Variants in DNAH11 observed in about 807,000 individuals in gnomAD.
DNAH11 encodes dynein axonemal heavy chain 11, also known as axonemal beta dynein heavy chain 11.
Under a neutral mutation model 526.0 loss-of-function variants are expected in DNAH11, and 442 were observed. The observed-to-expected ratio is 0.84, with a 90% CI of 0.78 to 0.91. DNAH11 has a LOEUF of 0.91. DNAH11 is among the 40% of genes least tolerant of loss of function. The probability of loss-of-function intolerance (pLI) is 0.00; values close to 1 mark genes in which losing one functional copy is unlikely to be tolerated. For missense variants in DNAH11, 6,989 were observed against 5,448.7 expected (o/e 1.28, Z -8.90); for synonymous variants, 2,461 against 1,935.9 (o/e 1.27, Z -7.12).
chr7:21,741,304 A>G (rs1224969905), intron 48 of DNAH11, among the ~76,000 whole-genome samples: 1 of 152,162 alleles, frequency 6.6e-6, no homozygotes, highest in African/African-American at 2.4e-5. Flanking sequence ...ATTGCTGAAT[A>G]GTGGTCACTG....
chr7:21,557,925 G>C (rs1180810546), intron 2 of DNAH11, among the ~76,000 whole-genome samples: 2 of 152,160 alleles, frequency 1.3e-5, no homozygotes, highest in African/African-American at 4.8e-5. Context: ...GACATGTAAT[G>C]GGTGCTAAGT....
At chr7:21,689,276 A>G (rs937415126) in intron 34 of DNAH11, among the ~76,000 whole-genome samples, 29 of 152,156 alleles carry the variant, frequency 1.9e-4, no homozygotes, top group African/African-American at 6.3e-4. Flanking sequence ...ATCCTTTCTT[A>G]TGGAGATTTA....
intron 4 of DNAH11, among the ~76,000 whole-genome samples, chr7:21,560,529 G>T (rs1341071587): frequency 6.6e-6 from 1 of 152,208 alleles, no homozygotes; most frequent in Non-Finnish European, 1.5e-5. Context: ...AACCACTGGT[G>T]TAAGTCTAAG....
chr7:21,824,489 T>C (rs541070855), intron 65 of DNAH11, among the ~76,000 whole-genome samples: 1 of 152,266 alleles, frequency 6.6e-6, no homozygotes, highest in Admixed American at 6.5e-5. Context: ...TTTAGTCAAG[T>C]TTCTAGAATG....
chr7:21,658,900 T>C lies in DNAH11; in HGVS notation c.5197T>C (p.Trp1733Arg), dbSNP rs1412319773. The C allele has an allele frequency of 6.2e-7, 1 of 1,610,172 alleles. No individual in the cohort carries two copies. The highest frequency in any genetic ancestry group is 2.2e-5 in the East Asian group (1 of 44,656). Residue 1733 changes from tryptophan to arginine, a missense_variant, in exon 30 of 82, where the codon TGG (tryptophan) becomes CGG (arginine). Trp to Arg is a moderately radical substitution (Grantham distance 101). Transcript: ENST00000409508. ...CTACGAGGAAAAACCTAGGGAACTGTGGATTTTTGATTTCCCAGCTCAGGT... is the reference window on the plus strand; with the variant it reads ...CTACGAGGAAAAACCTAGGGAACTGCGGATTTTTGATTTCCCAGCTCAGGT... ...VAYEEKPREL[W>R]IFDFPAQVAL...
intron 71 of DNAH11, among the ~76,000 whole-genome samples, chr7:21,867,587 C>G: frequency 6.6e-6 from 1 of 152,078 alleles, no homozygotes; most frequent in Non-Finnish European, 1.5e-5. Context: ...AAAGCCATAG[C>G]AGACAGCTGA....
intron 59 of DNAH11, among the ~76,000 whole-genome samples, 153 bp downstream of exon 59, chr7:21,786,920 C>G (rs1788219173): frequency 6.6e-6 from 1 of 152,216 alleles, no homozygotes; most frequent in Non-Finnish European, 1.5e-5. Context: ...TCTAGACTTA[C>G]AGCTTTTGTT....
intron 45 of DNAH11, among the ~76,000 whole-genome samples, chr7:21,735,003 T>G (rs1478541705): frequency 6.6e-6 from 1 of 150,776 alleles, no homozygotes; most frequent in Admixed American, 6.6e-5. Context: ...ACCCCATCTC[T>G]ACTAGAAATA....
At chr7:21,878,192 C>G (rs147333584) in intron 74 of DNAH11, among the ~76,000 whole-genome samples, 113 of 152,302 alleles carry the variant, frequency 7.4e-4, no homozygotes, top group African/African-American at 2.6e-3. Context: ...TAGGTAGACT[C>G]ATACCTTTTC....
rs1583822987 is a variant in DNAH11 at position 21,896,764 on chromosome 7, T to C, written c.13049+1765T>C. Among the ~76,000 whole-genome samples, 10 of 152,272 alleles carry C rather than the reference T, an allele frequency of 6.6e-5. No homozygotes were observed. In the South Asian group the frequency reaches 2.1e-3, roughly 32 times the overall value. On this transcript the variant is annotated intron_variant, in intron 79 of 81. Transcript: ENST00000409508. ...CAACTGTCTCCAATCTGTTTCTTAA[T>C]TATTTAGATGTCATTGTCCAGGTTG...
At chr7:21,756,369 C>A (rs1157333995) in intron 54 of DNAH11, among the ~76,000 whole-genome samples, 1 of 151,756 alleles carries the variant, frequency 6.6e-6, no homozygotes, top group Non-Finnish European at 1.5e-5. Context: ...CTGTTATGTC[C>A]CATTAATTTG....
At chr7:21,875,324 G>T (rs906621812) in intron 74 of DNAH11, among the ~76,000 whole-genome samples, 1 of 152,008 alleles carries the variant, frequency 6.6e-6, no homozygotes, top group African/African-American at 2.4e-5. Context: ...GGACTTATCT[G>T]CCCCCTAAAA....
chr7:21,706,935 T>A (rs962839860), intron 39 of DNAH11, among the ~76,000 whole-genome samples: 2 of 152,228 alleles, frequency 1.3e-5, no homozygotes, highest in African/African-American at 4.8e-5. Flanking sequence ...GAGCACCTGT[T>A]CTGTGAGTTC....
rs776072985 is a variant in DNAH11 at position 21,655,914 on chromosome 7, C to T, written c.5027C>T (p.Ala1676Val). 1 of 1,613,198 alleles carries T rather than the reference C, an allele frequency of 6.2e-7. No individual in the cohort carries two copies. ...EDNQDVSAHR[A>V]VGMYSKEKEY... is the part of the protein sequence containing the mutation. ...AATCAGGATGTTTCTGCACACAGGG[C>T]AGTTGGAATGTACAGCAAAGAAAAG... is the stretch of plus-strand genomic sequence containing the variant. The change falls in exon 29 of 82, where the codon GCA (alanine) becomes GTA (valine). Residue 1676 changes from alanine to valine, a missense_variant. Physicochemically the swap from Ala to Val is moderately conservative, Grantham distance 64. Coordinates refer to ENST00000409508, the MANE Select transcript of DNAH11 (RefSeq NM_001277115.2).
chr7:21,880,685 C>G lies in DNAH11; in HGVS notation c.12196-17C>G, dbSNP rs780481997. 6 of 1,612,958 alleles carry G rather than the reference C, an allele frequency of 3.7e-6. No individual in the cohort carries two copies. The highest frequency in any genetic ancestry group is 5.1e-6 in the Non-Finnish European group (6 of 1,179,646). ...CATACAGATGGATAATCAAGCATTTCTTCTCTTTTTTCCCAGGATACACTT... is the reference window on the plus strand; with the variant it reads ...CATACAGATGGATAATCAAGCATTTGTTCTCTTTTTTCCCAGGATACACTT... On this transcript the variant is annotated splice_polypyrimidine_tract_variant and intron_variant, in intron 74 of 81. Coordinates refer to ENST00000409508, the MANE Select transcript of DNAH11 (RefSeq NM_001277115.2).
chr7:21,725,886 A>G lies in DNAH11; in HGVS notation c.7342A>G (p.Thr2448Ala). The G allele has an allele frequency of 6.2e-6, 10 of 1,606,064 alleles. No homozygotes were observed. Among genetic ancestry groups the G allele is most frequent in the South Asian group, 3.4e-5 (3 of 89,120 alleles). ...AGCAGTGAAATTTCCGTCGCAGGGA[A>G]CAATCTTTGATTATTATGTGGACCA... ...MKAVKFPSQG[T>A]IFDYYVDHKT... Residue 2448 changes from threonine to alanine, a missense_variant, in exon 45 of 82, where the codon ACA becomes GCA. Coordinates refer to ENST00000409508, the MANE Select transcript of DNAH11 (RefSeq NM_001277115.2).
chr7:21,893,429 C>T (rs1195301928), intron 77 of DNAH11, among the ~76,000 whole-genome samples: 3 of 152,294 alleles, frequency 2.0e-5, no homozygotes, highest in Middle Eastern at 3.4e-3. Context: ...ATGCTTATGG[C>T]CGTTTGGATA....
chr7:21,820,510 A>G (rs1457129652), intron 65 of DNAH11, among the ~76,000 whole-genome samples: 1 of 152,218 alleles, frequency 6.6e-6, no homozygotes, highest in African/African-American at 2.4e-5. Context: ...AGAGAGCCCT[A>G]ATTTCAAATA....
intron 30 of DNAH11, among the ~76,000 whole-genome samples, chr7:21,665,129 G>A (rs1263475290): frequency 6.6e-6 from 1 of 151,354 alleles, no homozygotes; most frequent in Non-Finnish European, 1.5e-5. Flanking sequence ...CCCTCTCAGT[G>A]CCTTTCACTC....
Sources: allele counts gnomAD v4.1 joint callset (sites outside exome capture counted in the v4.1 genomes callset), GRCh38; gene constraint gnomAD v4.1.1; transcripts MANE v1.5; gene names NCBI Gene and HGNC (gene_info 2026-07-23, HGNC 2026-07-21).